SUFU: variants seen among roughly 807,000 people sequenced by gnomAD.
The protein encoded by SUFU is SUFU negative regulator of hedgehog signaling.
SUFU carries 7 observed loss-of-function variants against 58.9 expected under a neutral mutation model. That is an observed-to-expected ratio of 0.12 (90% confidence interval 0.07 to 0.22). The LOEUF is 0.22. Among genes scored for constraint, SUFU ranks in the 10% least tolerant of loss-of-function variants. SUFU has a pLI of 1.00. For synonymous variants in SUFU, 232 were observed against 254.8 expected (o/e 0.91, Z 0.85); for missense variants, 451 against 641.3 (o/e 0.70, Z 3.20).
intron 10 of SUFU, among the ~76,000 whole-genome samples, chr10:102,620,447 C>CA (rs750369336): frequency 1.2e-3 from 190 of 152,326 alleles, no homozygotes; most frequent in Middle Eastern, 3.4e-3. Context: ...GTCAGGGCCC[C>CA]AGCATGTGGC....
intron 3 of SUFU, among the ~76,000 whole-genome samples, chr10:102,574,563 T>C (rs2063194543): frequency 6.6e-6 from 1 of 152,140 alleles, no homozygotes; most frequent in Non-Finnish European, 1.5e-5. Context: ...CAGTGAGCTG[T>C]AATTGTGCCA....
chr10:102,562,483 G>A (rs995250142), intron 3 of SUFU, among the ~76,000 whole-genome samples: 5 of 151,040 alleles, frequency 3.3e-5, no homozygotes, highest in African/African-American at 9.7e-5. Flanking sequence ...AGATCGCGCC[G>A]CTACAGTCTA....
intron 3 of SUFU, among the ~76,000 whole-genome samples, chr10:102,573,712 G>A (rs2063185313): frequency 6.6e-6 from 1 of 152,196 alleles, no homozygotes; most frequent in South Asian, 2.1e-4. Context: ...ATTATGGCAA[G>A]TGAAATAAGC....
At chr10:102,520,367 G>A (rs11191317) in intron 2 of SUFU, among the ~76,000 whole-genome samples, 3,044 of 151,174 alleles carry the variant, frequency 0.02, 49 homozygotes, top group Non-Finnish European at 0.031. Context: ...ACAGGCACCC[G>A]CCACCACGCC....
chr10:102,552,269 A>ACCCTGTAAATTAAAGATTAGCCAGG (rs2062927018), intron 3 of SUFU, among the ~76,000 whole-genome samples: 1 of 152,024 alleles, frequency 6.6e-6, no homozygotes, highest in South Asian at 2.1e-4. Flanking sequence ...ATGAAGCAAG[A>ACCCTGTAAATTAAAGATTAGCCAGG]CCCTGTAAAT....
chr10:102,506,039 G>GAAAAAA, intron 1 of SUFU, among the ~76,000 whole-genome samples: 1 of 84,204 alleles, frequency 1.2e-5, no homozygotes, highest in Non-Finnish European at 2.4e-5. Context: ...TCTGTTATTT[G>GAAAAAA]AAAAAAAAAA....
At chr10:102,546,608 C>G (rs1161008308) in intron 2 of SUFU, among the ~76,000 whole-genome samples, 3 of 152,198 alleles carry the variant, frequency 2.0e-5, no homozygotes, top group African/African-American at 7.2e-5. Context: ...GTGAGGAAGT[C>G]CAGACCAAGC....
chr10:102,532,237 G>A (rs535186717), intron 2 of SUFU, among the ~76,000 whole-genome samples: 2 of 152,290 alleles, frequency 1.3e-5, no homozygotes, highest in East Asian at 3.9e-4. Context: ...CCAAAGTGCT[G>A]GGATTGCAGG....
At position 102,619,573 on chromosome 10, in the gene SUFU, A is replaced by G; in HGVS notation, c.1296+2145A>G. The G allele has an allele frequency of 1.1e-6, 1 of 934,080 alleles. No individual in the cohort carries two copies. Among genetic ancestry groups the G allele is most frequent in the Non-Finnish European group, 1.3e-6 (1 of 760,998 alleles). 57.9% of individuals were successfully genotyped at this position (934,080 alleles called of 1,614,324 possible). A position where few individuals can be genotyped will look rare whatever the true frequency, so the allele number is the denominator to read the frequency against. On this transcript the variant is annotated intron_variant, in intron 10 of 11. Transcript: ENST00000369902. The surrounding 1 kb of genome is among the most constrained non-coding windows in gnomAD (Gnocchi z 4.2). ...CCCACACCCCAAGCACCCACCCTTG[A>G]TCACCGAGGGGTTTCTCAGGCCCTT...
chr10:102,550,223 C>T, intron 3 of SUFU, 117 bp downstream of exon 3: 1 of 1,464,742 alleles, frequency 6.8e-7, no homozygotes, highest in Non-Finnish European at 9.3e-7. Context: ...AGTACTATGC[C>T]CCAATTCTAC....
chr10:102,623,785 C>G (rs942223998), intron 10 of SUFU, among the ~76,000 whole-genome samples: 9 of 152,138 alleles, frequency 5.9e-5, no homozygotes, highest in African/African-American at 2.2e-4. Flanking sequence ...ACTAAAAATA[C>G]AAAAATTAGC....
intron 3 of SUFU, among the ~76,000 whole-genome samples, chr10:102,550,974 CCTCAGGTGAT>C (rs2062908315): frequency 6.6e-6 from 1 of 152,100 alleles, no homozygotes; most frequent in Admixed American, 6.5e-5. Context: ...GAACTCCTGA[CCTCAGGTGAT>C]CTGCCCGCCT....
rs544672824 is a variant in SUFU, at chr10:102,601,253, G to A, written c.1022+1709G>A. The stretch of plus-strand genomic sequence containing the variant: ...ACTCCCTGGCTTGGGGGCACTTCCA[G>A]CTACTGCACCCCTGGACATTGCAAT... On this transcript the variant is annotated intron_variant, in intron 8 of 11. Transcript: ENST00000369902. Among the ~76,000 whole-genome samples the A allele has an allele frequency of 5.9e-5, 9 of 152,302 alleles. No individual in the cohort carries two copies. In the South Asian group the frequency reaches 1.9e-3, roughly 32 times the overall value.
intron 3 of SUFU, among the ~76,000 whole-genome samples, chr10:102,555,337 T>TC (rs2135756548): frequency 1.3e-5 from 2 of 150,534 alleles, no homozygotes; most frequent in African/African-American, 2.4e-5. Context: ...TTTTTTTTTT[T>TC]CCTCAATGAC....
intron 8 of SUFU, among the ~76,000 whole-genome samples, chr10:102,608,214 ACT>A (rs1029240344): frequency 1.4e-5 from 2 of 144,546 alleles, no homozygotes; most frequent in African/African-American, 2.6e-5. Flanking sequence ...ACAGAGCGAG[ACT>A]CTGTCTAAAA....
intron 8 of SUFU, among the ~76,000 whole-genome samples, chr10:102,608,929 C>T (rs559027131): frequency 2.1e-4 from 32 of 152,296 alleles, no homozygotes; most frequent in Non-Finnish European, 3.5e-4. Context: ...AAAATTCCAT[C>T]GAATACCCTT....
chr10:102,504,367 G>T, intron 1 of SUFU, 33 bp downstream of exon 1: 4 of 1,612,978 alleles, frequency 2.5e-6, no homozygotes, highest in Non-Finnish European at 3.4e-6. Flanking sequence ...ACGGACAGGC[G>T]CGGGCTGGAA....
Position 102,632,207 on chromosome 10 carries a change from G to C in SUFU, c.*2052G>C, listed in dbSNP as rs1826759328. On this transcript the variant is annotated 3_prime_UTR_variant, in exon 12 of 12. Transcript: ENST00000369902. ...CTGAGCTAAGCTTTGTCATTAGTTTGTGAAGCACCTGGTCAGCAACCTGCC... is the reference window on the plus strand; with the variant it reads ...CTGAGCTAAGCTTTGTCATTAGTTTCTGAAGCACCTGGTCAGCAACCTGCC... The C allele has an allele frequency of 4.3e-6, 1 of 233,196 alleles. No homozygotes were observed. Among genetic ancestry groups the C allele is most frequent in the African/African-American group, 2.2e-5 (1 of 45,332 alleles). The allele number at this position is 233,196 out of a possible 1,614,324, so 14.4% of individuals were successfully genotyped here.
intron 2 of SUFU, among the ~76,000 whole-genome samples, chr10:102,530,491 G>A (rs1403941749): frequency 1.5e-5 from 2 of 131,998 alleles, no homozygotes; most frequent in Non-Finnish European, 3.1e-5. Flanking sequence ...GACTCACTCT[G>A]TTGCCCAGCC....
Sources: gnomAD v4.1 joint callset for allele counts (sites outside exome capture counted in the v4.1 genomes callset) on GRCh38, gnomAD v4.1.1 for gene constraint, Gnocchi (gnomAD v3.1) non-coding constraint, MANE v1.5 for transcripts, NCBI Gene and HGNC (gene_info 2026-07-23, HGNC 2026-07-21) for gene names.